THADA: variants seen among roughly 807,000 people sequenced by gnomAD.
The protein encoded by THADA is THADA armadillo repeat containing.
A neutral mutation model predicts 219.8 loss-of-function variants in THADA; 213 were observed. That is an observed-to-expected ratio of 0.97 (90% CI 0.87 to 1.09). The LOEUF is 1.09. Among genes scored for constraint, THADA ranks in the 50% least tolerant of loss-of-function variants. THADA has a pLI of 0.00. For synonymous variants in THADA, 1,018 were observed against 828.9 expected, an observed-to-expected ratio of 1.23 and a Z score of -3.92; for missense variants, 2,956 against 2,311.3, an observed-to-expected ratio of 1.28 and a Z score of -5.72.
chr2:43,443,023 G>A (rs563066218), intron 26 of THADA, among the ~76,000 whole-genome samples: 3 of 152,034 alleles, frequency 2.0e-5, no homozygotes, highest in Non-Finnish European at 4.4e-5. Flanking sequence ...ACCTGTCCTC[G>A]GTTGTACACT....
At chr2:43,384,693 CAGTGGA>C (rs1672426920) in intron 29 of THADA, among the ~76,000 whole-genome samples, 2 of 152,140 alleles carry the variant, frequency 1.3e-5, no homozygotes, top group African/African-American at 4.8e-5. Context: ...GGGCTGGATG[CAGTGGA>C]ACATGCCTGT....
At chr2:43,264,741 A>G (rs1324165344) in intron 36 of THADA, among the ~76,000 whole-genome samples, 1 of 152,110 alleles carries the variant, frequency 6.6e-6, no homozygotes, top group African/African-American at 2.4e-5. Context: ...CTGGGGGAAA[A>G]AAGAGGGCAA....
At chr2:43,594,571 C>A (rs1018463645) in intron 1 of THADA, among the ~76,000 whole-genome samples, 2 of 147,536 alleles carry the variant, frequency 1.4e-5, no homozygotes, top group Non-Finnish European at 3.0e-5. Context: ...GAGACAAGAG[C>A]GAAACTCCAT....
intron 31 of THADA, among the ~76,000 whole-genome samples, chr2:43,316,820 G>A (rs533710887): frequency 1.8e-4 from 28 of 152,286 alleles, no homozygotes; most frequent in South Asian, 4.2e-4. Flanking sequence ...CCAGCTACTC[G>A]GGAGGCTGAG....
At chr2:43,467,929 G>A (rs554481841) in intron 26 of THADA, among the ~76,000 whole-genome samples, 9 of 152,304 alleles carry the variant, frequency 5.9e-5, no homozygotes, top group Non-Finnish European at 1.3e-4. Flanking sequence ...AAACAGACTG[G>A]AAGAAATCAA....
intron 36 of THADA, among the ~76,000 whole-genome samples, chr2:43,275,197 G>A (rs1174341841): frequency 6.6e-6 from 1 of 151,898 alleles, no homozygotes. Context: ...TAGAAATGGG[G>A]TTTCACCATG....
intron 7 of THADA, 56 bp from the exon 8 acceptor site, chr2:43,581,984 T>C (rs1574361330): frequency 7.6e-7 from 1 of 1,310,296 alleles, no homozygotes; most frequent in Non-Finnish European, 1.0e-6. Context: ...AGTGTGAACA[T>C]TTCTAATTAT....
chr2:43,313,823 G>A (rs1677776187), intron 31 of THADA, among the ~76,000 whole-genome samples: 1 of 152,248 alleles, frequency 6.6e-6, no homozygotes, highest in Non-Finnish European at 1.5e-5. Flanking sequence ...CTAAGCGAGT[G>A]ACTGATGTTT....
rs937759722 is a variant in THADA, at chr2:43,574,202, C to T, written c.1729+134G>A. 17 of 705,302 alleles carry T rather than the reference C, an allele frequency of 2.4e-5. No individual in the cohort carries two copies. The Admixed American group carries it at 2.8e-4, about 11-fold the overall frequency. The allele number at this position is 705,302 out of a possible 1,614,324, so 43.7% of individuals were successfully genotyped here. On this transcript the variant is annotated intron_variant, in intron 11 of 37. Coordinates refer to ENST00000405975, the MANE Select transcript of THADA (RefSeq NM_022065.5). ...TAGGAACATTCGTTTCAAACTGAAACATCTATCATTAATCTCTTCCTTTAC... is the reference window on the plus strand; with the variant it reads ...TAGGAACATTCGTTTCAAACTGAAATATCTATCATTAATCTCTTCCTTTAC...
intron 35 of THADA, among the ~76,000 whole-genome samples, chr2:43,283,264 C>T (rs1192876554): frequency 2.0e-5 from 3 of 152,178 alleles, no homozygotes; most frequent in Non-Finnish European, 2.9e-5. Flanking sequence ...ATGAATTACC[C>T]AGTCTCAGAT....
chr2:43,462,758 G>A (rs1014420557), intron 26 of THADA, among the ~76,000 whole-genome samples: 1 of 152,110 alleles, frequency 6.6e-6, no homozygotes, highest in Non-Finnish European at 1.5e-5. Flanking sequence ...CTCCCTCAGT[G>A]TTGAGGGAGA....
chr2:43,292,189 C>G lies in THADA; in HGVS notation c.4852G>C (p.Glu1618Gln), dbSNP rs139334985. Reference protein sequence around the residue: ...LKILHCMDPGEWLPQTEHCVH... With the variant: ...LKILHCMDPGQWLPQTEHCVH... Reference sequence around the variant, plus strand: ...CAGTGCTCCGTCTGGGGAAGCCACTCACCAGGGTCCATGCAGTGGAGAATT... The same window carrying G: ...CAGTGCTCCGTCTGGGGAAGCCACTGACCAGGGTCCATGCAGTGGAGAATT... Residue 1618 changes from glutamate to glutamine, a missense_variant, in exon 33 of 38, where the codon GAG becomes CAG. Coordinates refer to ENST00000405975, the MANE Select transcript of THADA (RefSeq NM_022065.5). The G allele has an allele frequency of 5.0e-6, 8 of 1,611,662 alleles. No individual in the cohort carries two copies. The Middle Eastern group carries it at 5.0e-4, about 100-fold the overall frequency.
intron 26 of THADA, among the ~76,000 whole-genome samples, chr2:43,448,777 G>C (rs531469449): frequency 6.6e-6 from 1 of 151,974 alleles, no homozygotes; most frequent in Admixed American, 6.6e-5. Flanking sequence ...CACAGACAAA[G>C]CCTACCACAA....
intron 29 of THADA, among the ~76,000 whole-genome samples, chr2:43,360,932 C>T (rs74401201): frequency 8.5e-4 from 130 of 152,296 alleles, no homozygotes; most frequent in African/African-American, 3.0e-3. Context: ...GAGTTCTAAA[C>T]GTGGAATGAG....
intron 29 of THADA, among the ~76,000 whole-genome samples, chr2:43,379,496 T>C (rs1671753411): frequency 6.6e-6 from 1 of 152,182 alleles, no homozygotes. Context: ...AATGAGCTAC[T>C]GTAATACTAC....
intron 26 of THADA, among the ~76,000 whole-genome samples, chr2:43,464,239 T>C (rs1479037765): frequency 1.3e-5 from 2 of 152,192 alleles, no homozygotes; most frequent in Admixed American, 1.3e-4. Flanking sequence ...ATAGTAGCTT[T>C]GAGCAACTAT....
chr2:43,287,846 G>A (rs748045842), intron 34 of THADA, among the ~76,000 whole-genome samples: 2 of 152,182 alleles, frequency 1.3e-5, no homozygotes, highest in Non-Finnish European at 2.9e-5. Context: ...TGAAGACTGG[G>A]ATGACACTAG....
intron 36 of THADA, among the ~76,000 whole-genome samples, chr2:43,247,622 G>A (rs962353673): frequency 9.9e-5 from 15 of 151,158 alleles, no homozygotes; most frequent in African/African-American, 2.9e-4. Context: ...ACAGCTACTC[G>A]GGAGGCTGAG....
chr2:43,425,804 C>T (rs1678356647), intron 28 of THADA, among the ~76,000 whole-genome samples: 1 of 152,196 alleles, frequency 6.6e-6, no homozygotes, highest in Non-Finnish European at 1.5e-5. Flanking sequence ...TTATCACCCT[C>T]ATTTGCAAGT....
Sources: gnomAD v4.1 joint callset for allele counts (sites outside exome capture counted in the v4.1 genomes callset) on GRCh38, gnomAD v4.1.1 for gene constraint, MANE v1.5 for transcripts, NCBI Gene and HGNC (gene_info 2026-07-23, HGNC 2026-07-21) for gene names.